The following ATP8A1 variants were observed in gnomAD, a reference collection of about 807,000 sequenced individuals.
ATP8A1 encodes the protein phospholipid-transporting ATPase IA.
Under a neutral mutation model 177.7 loss-of-function variants are expected in ATP8A1, and 90 were observed. The ratio of observed to expected loss-of-function variants is 0.51; its 90% CI spans 0.43 to 0.60. ATP8A1 has a LOEUF of 0.60. Among genes scored for constraint, ATP8A1 ranks in the 20% least tolerant of loss-of-function variants. The pLI is 0.00. For synonymous variants in ATP8A1, 493 were observed against 485.9 expected, an observed-to-expected ratio of 1.01 and a Z score of -0.19; for missense variants, 1,072 against 1,392.8, an observed-to-expected ratio of 0.77 and a Z score of 3.67.
At chr4:42,505,869 C>T (rs1343751627) in intron 23 of ATP8A1, among the ~76,000 whole-genome samples, 1 of 152,090 alleles carries the variant, frequency 6.6e-6, no homozygotes, top group Non-Finnish European at 1.5e-5. Context: ...GAGGATAAAT[C>T]CATGTCAGGG....
intron 4 of ATP8A1, among the ~76,000 whole-genome samples, chr4:42,619,981 C>T (rs747369456): frequency 5.9e-5 from 9 of 152,150 alleles, no homozygotes; most frequent in Admixed American, 2.6e-4. Flanking sequence ...CCCACCATCA[C>T]GTGTCTTTGA....
chr4:42,536,292 C>T (rs888557267), intron 20 of ATP8A1, among the ~76,000 whole-genome samples: 3 of 152,054 alleles, frequency 2.0e-5, no homozygotes, highest in Non-Finnish European at 4.4e-5. Flanking sequence ...ACCAATACGA[C>T]CAAAGTACAA....
At chr4:42,534,825 C>T (rs1727614820) in intron 20 of ATP8A1, among the ~76,000 whole-genome samples, 1 of 152,110 alleles carries the variant, frequency 6.6e-6, no homozygotes, top group Admixed American at 6.5e-5. Context: ...AGCAGAAACC[C>T]TGCAAGTTAG....
intron 15 of ATP8A1, among the ~76,000 whole-genome samples, chr4:42,566,981 T>G (rs1731414726): frequency 6.6e-6 from 1 of 152,204 alleles, no homozygotes; most frequent in Non-Finnish European, 1.5e-5. Context: ...CATCTAATCT[T>G]CAAAACCTCC....
intron 5 of ATP8A1, among the ~76,000 whole-genome samples, chr4:42,610,346 T>C (rs1401729380): frequency 2.0e-5 from 3 of 152,080 alleles, no homozygotes; most frequent in Non-Finnish European, 4.4e-5. Flanking sequence ...ATCACACCCA[T>C]TTTTCCCAGA....
chr4:42,554,656 G>T (rs2153212456), intron 16 of ATP8A1, among the ~76,000 whole-genome samples: 1 of 152,260 alleles, frequency 6.6e-6, no homozygotes, highest in South Asian at 2.1e-4. Context: ...GTGGTTATGA[G>T]AAAAAGTTCC....
At chr4:42,649,148 C>G (rs577144470) in intron 1 of ATP8A1, among the ~76,000 whole-genome samples, 1 of 152,264 alleles carries the variant, frequency 6.6e-6, no homozygotes, top group Non-Finnish European at 1.5e-5. Context: ...TGTCCACCCA[C>G]AGGGTTCTTT....
chr4:42,582,684 T>G (rs189627101), intron 9 of ATP8A1, among the ~76,000 whole-genome samples: 1 of 152,310 alleles, frequency 6.6e-6, no homozygotes, highest in Non-Finnish European at 1.5e-5. Flanking sequence ...ATTTGAAGAT[T>G]GGTTTCCCAA....
chr4:42,522,475 C>T (rs895536811), intron 21 of ATP8A1, among the ~76,000 whole-genome samples, 176 bp from the exon 22 acceptor site: 3 of 152,132 alleles, frequency 2.0e-5, no homozygotes, highest in African/African-American at 7.2e-5. Flanking sequence ...TTAATGTTCC[C>T]CTGGTCTTTA....
chr4:42,546,814 CT>C (rs1403328897), intron 19 of ATP8A1, among the ~76,000 whole-genome samples: 1 of 152,200 alleles, frequency 6.6e-6, no homozygotes, highest in African/African-American at 2.4e-5. Flanking sequence ...CAGATGACCA[CT>C]CTCTCTTTGA....
At chr4:42,492,879 G>A (rs1722866030) in intron 24 of ATP8A1, among the ~76,000 whole-genome samples, 1 of 152,182 alleles carries the variant, frequency 6.6e-6, no homozygotes, top group African/African-American at 2.4e-5. Flanking sequence ...TACAGTATCA[G>A]CAACACAAGT....
chr4:42,646,433 G>C (rs1213182955), intron 1 of ATP8A1, among the ~76,000 whole-genome samples: 1 of 152,186 alleles, frequency 6.6e-6, no homozygotes, highest in African/African-American at 2.4e-5. Flanking sequence ...GAAGGGACAC[G>C]GGAAAAAGAC....
chr4:42,546,762 A>G (rs1359539985), intron 19 of ATP8A1, among the ~76,000 whole-genome samples: 1 of 152,024 alleles, frequency 6.6e-6, no homozygotes, highest in Non-Finnish European at 1.5e-5. Flanking sequence ...TTCAACAAAT[A>G]CTTCTCAAAC....
At chr4:42,413,316 C>T (rs1280944689) in intron 36 of ATP8A1, among the ~76,000 whole-genome samples, 1 of 152,170 alleles carries the variant, frequency 6.6e-6, no homozygotes, top group East Asian at 1.9e-4. Context: ...CTAATTTTTG[C>T]TTCCCCAATT....
intron 25 of ATP8A1, among the ~76,000 whole-genome samples, chr4:42,466,017 G>T (rs1719712986): frequency 8.3e-6 from 1 of 120,706 alleles, no homozygotes; most frequent in African/African-American, 3.3e-5. Context: ...GGGCGACAGA[G>T]CAAGACTCCG....
chr4:42,613,473 A>C (rs1042841949), intron 5 of ATP8A1, among the ~76,000 whole-genome samples: 4 of 152,208 alleles, frequency 2.6e-5, no homozygotes, highest in Non-Finnish European at 5.9e-5. Flanking sequence ...ACTTTAAATC[A>C]TCTCTACATT....
intron 20 of ATP8A1, among the ~76,000 whole-genome samples, chr4:42,537,962 GC>G (rs1185669687): frequency 6.6e-6 from 1 of 151,996 alleles, no homozygotes; most frequent in African/African-American, 2.4e-5. Context: ...GCAAGACTAA[GC>G]AAAAACAACA....
Position 42,624,641 on chromosome 4 carries a change from G to T in ATP8A1, c.265-7C>A. 2 of 1,108,556 alleles carry T rather than the reference G, an allele frequency of 1.8e-6. No individual in the cohort carries two copies. Among genetic ancestry groups the T allele is most frequent in the Non-Finnish European group, 2.4e-6 (2 of 850,032 alleles). The allele number at this position is 1,108,556 out of a possible 1,614,324, so 68.7% of individuals were successfully genotyped here. ...GTGACACATCAGGTATTTGCTGTTT[G>T]GAAAAAAAAAAAAAAGAGAAATCCA... On this transcript the variant is annotated splice_region_variant and splice_polypyrimidine_tract_variant and intron_variant, in intron 3 of 36. Transcript: ENST00000381668.
intron 25 of ATP8A1, among the ~76,000 whole-genome samples, chr4:42,471,517 TTAAA>T (rs1720411261): frequency 1.3e-5 from 2 of 152,350 alleles, no homozygotes; most frequent in South Asian, 4.1e-4. Context: ...GATAAGTAGT[TTAAA>T]TAGGGACCGT....
Sources: allele counts gnomAD v4.1 joint callset (sites outside exome capture counted in the v4.1 genomes callset), GRCh38; gene constraint gnomAD v4.1.1; transcripts MANE v1.5; gene names NCBI Gene and HGNC (gene_info 2026-07-23, HGNC 2026-07-21).